The following NSL1 variants were observed in gnomAD, a reference collection of about 807,000 sequenced individuals.
NSL1 encodes kinetochore-associated protein NSL1 homolog.
A neutral mutation model predicts 25.4 loss-of-function variants in NSL1; 11 were observed. The ratio of observed to expected loss-of-function variants is 0.43; its 90% CI spans 0.27 to 0.72. The LOEUF is 0.72. Ranked by LOEUF, NSL1 falls within the 30% of genes least tolerant of loss-of-function variation. The pLI is 0.19. For missense variants in NSL1, 330 were observed against 342.7 expected, an observed-to-expected ratio of 0.96 and a Z score of 0.29; for synonymous variants, 118 against 120.6, an observed-to-expected ratio of 0.98 and a Z score of 0.14.
intron 4 of NSL1, among the ~76,000 whole-genome samples, chr1:212,779,332 G>T (rs1292735334): frequency 7.0e-6 from 1 of 143,282 alleles, no homozygotes; most frequent in Non-Finnish European, 1.6e-5. Flanking sequence ...GGAGGGAGGT[G>T]GGGGGGTCAG....
chr1:212,785,226 A>G (rs1316005814), intron 2 of NSL1, among the ~76,000 whole-genome samples: 1 of 152,226 alleles, frequency 6.6e-6, no homozygotes, highest in Non-Finnish European at 1.5e-5. Flanking sequence ...TGAAAGATAC[A>G]GTGAGTTTAG....
intron 4 of NSL1, among the ~76,000 whole-genome samples, chr1:212,745,164 A>ACAAAC (rs1558041817): frequency 5.8e-4 from 10 of 17,192 alleles, no homozygotes; most frequent in Non-Finnish European, 1.1e-3. Context: ...AACAAACTAT[A>ACAAAC]TATATATATA....
chr1:212,790,941 A>AT (rs1553255520), intron 1 of NSL1, among the ~76,000 whole-genome samples: 19 of 151,612 alleles, frequency 1.3e-4, no homozygotes, highest in African/African-American at 4.1e-4. Context: ...AAAATAAAAT[A>AT]AAATAAATAA....
intron 4 of NSL1, among the ~76,000 whole-genome samples, chr1:212,769,818 T>A (rs1305797671): frequency 6.6e-6 from 1 of 152,050 alleles, no homozygotes; most frequent in East Asian, 1.9e-4. Context: ...AGAACTCAAC[T>A]AATAAAATGA....
At position 212,730,514 on chromosome 1, in the gene NSL1, C is replaced by T; in HGVS notation, c.*7894G>A. On this transcript the variant is annotated 3_prime_UTR_variant, in exon 6 of 6. Transcript: ENST00000366977. ...TAGTCAAGGTGATGATAGAAATGCCCAATCTTTTACACAGGCACAGGAGTC... is the reference window on the plus strand; with the variant it reads ...TAGTCAAGGTGATGATAGAAATGCCTAATCTTTTACACAGGCACAGGAGTC... 3.0e-6 allele frequency: 3 copies of T among 985,328 alleles called. No homozygotes were observed. Among genetic ancestry groups the T allele is most frequent in the Non-Finnish European group, 3.6e-6 (3 of 829,916 alleles). The allele number at this position is 985,328 out of a possible 1,614,324, so 61.0% of individuals were successfully genotyped here.
chr1:212,783,033 G>A (rs1660794769), intron 3 of NSL1, among the ~76,000 whole-genome samples: 1 of 152,182 alleles, frequency 6.6e-6, no homozygotes, highest in Non-Finnish European at 1.5e-5. Flanking sequence ...TCAGCCAGCT[G>A]TGGTGACTCA....
intron 4 of NSL1, among the ~76,000 whole-genome samples, chr1:212,763,843 A>C (rs1243798353): frequency 2.6e-5 from 4 of 152,230 alleles, no homozygotes; most frequent in Admixed American, 6.5e-5. Flanking sequence ...GTGGGACTTC[A>C]ATACTCCACT....
At chr1:212,780,305 G>GCGTGCT (rs1553254472) in intron 4 of NSL1, among the ~76,000 whole-genome samples, 3 of 152,072 alleles carry the variant, frequency 2.0e-5, no homozygotes, top group Non-Finnish European at 2.9e-5. Flanking sequence ...CTTGAAGGCA[G>GCGTGCT]CGTGCTCGTT....
At position 212,728,351 on chromosome 1, in the gene NSL1, G is replaced by A; in HGVS notation, c.*10057C>T. On this transcript the variant is annotated 3_prime_UTR_variant, in exon 6 of 6. Transcript: ENST00000366977. ...TATATGCCTGTTTTAAAAATATGCT[G>A]CTTTAAACAGTTCTACAATTCACGC... 1 of 985,362 alleles carries A rather than the reference G, an allele frequency of 1.0e-6. No individual in the cohort carries two copies. The highest frequency in any genetic ancestry group is 4.7e-5 in the South Asian group (1 of 21,284). 61.0% of individuals were successfully genotyped at this position (985,362 alleles called of 1,614,324 possible).
rs564777647 is a variant in NSL1 at position 212,726,793 on chromosome 1, G to A, written c.*11615C>T. The A allele has an allele frequency of 4.9e-5, 11 of 226,436 alleles. No individual in the cohort carries two copies. The East Asian group carries it at 9.0e-4, about 18-fold the overall frequency. 14.0% of individuals were successfully genotyped at this position (226,436 alleles called of 1,614,324 possible). A position where few individuals can be genotyped will look rare whatever the true frequency, so the allele number is the denominator to read the frequency against. Reference sequence around the variant, plus strand: ...TCCATGAGAGGCTGCCAGCCACCTCGGTGGGGTCCTCCCACAATCCTCCAT... The same window carrying A: ...TCCATGAGAGGCTGCCAGCCACCTCAGTGGGGTCCTCCCACAATCCTCCAT... On this transcript the variant is annotated 3_prime_UTR_variant, in exon 6 of 6. Coordinates refer to ENST00000366977, the MANE Select transcript of NSL1 (RefSeq NM_015471.4).
intron 4 of NSL1, among the ~76,000 whole-genome samples, chr1:212,775,860 C>G (rs1220039752): frequency 6.6e-6 from 1 of 151,852 alleles, no homozygotes; most frequent in Non-Finnish European, 1.5e-5. Flanking sequence ...CGGAGTCTCA[C>G]TCTGTCGCCC....
At chr1:212,756,727 G>A (rs1204804840) in intron 4 of NSL1, among the ~76,000 whole-genome samples, 1 of 152,164 alleles carries the variant, frequency 6.6e-6, no homozygotes, top group Admixed American at 6.5e-5. Flanking sequence ...GGCTGAGGCA[G>A]GAGAATCACT....
chr1:212,762,790 TTG>T (rs1336175301), intron 4 of NSL1, among the ~76,000 whole-genome samples: 1 of 152,144 alleles, frequency 6.6e-6, no homozygotes, highest in Non-Finnish European at 1.5e-5. Context: ...ATGAAGTGCC[TTG>T]TAGGCATTCC....
intron 4 of NSL1, among the ~76,000 whole-genome samples, chr1:212,740,444 A>C (rs1571864892): frequency 6.6e-6 from 1 of 152,134 alleles, no homozygotes; most frequent in Non-Finnish European, 1.5e-5. Context: ...TCAAAGAAGG[A>C]GACAGACAAT....
Position 212,731,535 on chromosome 1 carries a change from C to T in NSL1, c.*6873G>A, listed in dbSNP as rs1454248320. The stretch of plus-strand genomic sequence containing the variant: ...AACCAAATTTATTTTCCCTTAATTA[C>T]TATATGCATTTAATTTTAAAAATCA... On this transcript the variant is annotated 3_prime_UTR_variant, in exon 6 of 6. Coordinates refer to ENST00000366977, the MANE Select transcript of NSL1 (RefSeq NM_015471.4). 1 of 985,114 alleles carries T rather than the reference C, an allele frequency of 1.0e-6. No homozygotes were observed. Among genetic ancestry groups the T allele is most frequent in the Non-Finnish European group, 1.2e-6 (1 of 829,792 alleles). 61.0% of individuals were successfully genotyped at this position (985,114 alleles called of 1,614,324 possible).
chr1:212,742,210 A>G (rs1571866717), intron 4 of NSL1, among the ~76,000 whole-genome samples: 1 of 152,214 alleles, frequency 6.6e-6, no homozygotes. Context: ...CAACTATACC[A>G]AAGACATAAT....
chr1:212,762,306 C>CAAAAAAAAA lies in NSL1; in HGVS notation c.499+20057_499+20065dup, dbSNP rs71147025. Reference sequence around the variant, plus strand: ...GAGTCTCACTCTGTCTTAAAAGAAACAAAAAAAAAAAAAAAAAAAAGAAAA... The same window carrying CAAAAAAAAA: ...GAGTCTCACTCTGTCTTAAAAGAAACAAAAAAAAAAAAAAAAAAAAAAAAAAAAAGAAAA... On this transcript the variant is annotated intron_variant, in intron 4 of 5. Transcript: ENST00000366977. 2.2e-3 allele frequency among the ~76,000 whole-genome samples: 250 copies of CAAAAAAAAA among 114,538 alleles called. 2 individuals carry two copies. The highest frequency in any genetic ancestry group is 4.6e-3 in the African/African-American group (136 of 29,650). 75.1% of individuals were successfully genotyped at this position (114,538 alleles called of 152,430 possible).
At chr1:212,789,791 CTT>C (rs1242825928) in intron 1 of NSL1, among the ~76,000 whole-genome samples, 15 of 152,186 alleles carry the variant, frequency 9.9e-5, no homozygotes, top group Admixed American at 9.8e-4. Context: ...CCAAGTTCCT[CTT>C]TTTCTGTAAG....
chr1:212,752,815 T>A (rs2102444563), intron 4 of NSL1, among the ~76,000 whole-genome samples: 1 of 152,182 alleles, frequency 6.6e-6, no homozygotes, highest in Non-Finnish European at 1.5e-5. Flanking sequence ...AACCTAGTTT[T>A]GCTTTCAGGT....
Sources: gnomAD v4.1 joint callset for allele counts (sites outside exome capture counted in the v4.1 genomes callset) on GRCh38, gnomAD v4.1.1 for gene constraint, MANE v1.5 for transcripts, NCBI Gene and HGNC (gene_info 2026-07-23, HGNC 2026-07-21) for gene names.